Variants in SMYD3 observed in about 807,000 individuals in gnomAD.
SMYD3 encodes histone-lysine N-methyltransferase SMYD3.
Under a neutral mutation model 57.7 loss-of-function variants are expected in SMYD3, and 36 were observed. The observed-to-expected ratio is 0.62, with a 90% CI of 0.48 to 0.82. SMYD3 has a LOEUF of 0.82. Among genes scored for constraint, SMYD3 ranks in the 40% least tolerant of loss-of-function variants. The probability of loss-of-function intolerance (pLI) is 0.00; values close to 1 mark genes in which losing one functional copy is unlikely to be tolerated. For missense variants in SMYD3, 515 were observed against 538.8 expected, an observed-to-expected ratio of 0.96 and a Z score of 0.44; for synonymous variants, 211 against 195.0, an observed-to-expected ratio of 1.08 and a Z score of -0.68.
chr1:245,997,831 T>G (rs896404815), intron 5 of SMYD3, among the ~76,000 whole-genome samples: 3 of 152,168 alleles, frequency 2.0e-5, no homozygotes, highest in Admixed American at 1.3e-4. Flanking sequence ...TCAGAACTGC[T>G]GGGAGAAAGA....
intron 2 of SMYD3, among the ~76,000 whole-genome samples, chr1:246,350,689 T>G (rs2065808480): frequency 6.6e-6 from 1 of 152,098 alleles, no homozygotes; most frequent in African/African-American, 2.4e-5. Flanking sequence ...GAGACGCCTG[T>G]GCAACAGCCA....
chr1:246,190,922 T>C (rs1480798470), intron 5 of SMYD3, among the ~76,000 whole-genome samples: 1 of 152,152 alleles, frequency 6.6e-6, no homozygotes, highest in Non-Finnish European at 1.5e-5. Context: ...CAGAAAAGCA[T>C]ACAGCACTTC....
At chr1:246,301,534 G>A (rs1025462012) in intron 5 of SMYD3, among the ~76,000 whole-genome samples, 1 of 152,158 alleles carries the variant, frequency 6.6e-6, no homozygotes, top group Non-Finnish European at 1.5e-5. Flanking sequence ...CAAGTCTGAA[G>A]TAATGAGAAT....
intron 5 of SMYD3, among the ~76,000 whole-genome samples, chr1:246,243,041 C>G (rs1250740044): frequency 1.3e-5 from 2 of 152,158 alleles, no homozygotes; most frequent in Admixed American, 6.5e-5. Flanking sequence ...TTAGACAGAT[C>G]AATGAGACAG....
intron 10 of SMYD3, among the ~76,000 whole-genome samples, chr1:245,794,236 G>T (rs1475363789): frequency 6.6e-6 from 1 of 152,070 alleles, no homozygotes; most frequent in South Asian, 2.1e-4. Context: ...TTCTCTCTGG[G>T]TTTACTTTTC....
At chr1:246,444,286 T>C (rs1007339253) in intron 1 of SMYD3, among the ~76,000 whole-genome samples, 5 of 152,072 alleles carry the variant, frequency 3.3e-5, no homozygotes, top group Non-Finnish European at 5.9e-5. Flanking sequence ...CCACCACGCC[T>C]GGCTAATTTT....
intron 5 of SMYD3, among the ~76,000 whole-genome samples, chr1:246,213,195 C>T (rs1330215683): frequency 1.3e-5 from 2 of 152,172 alleles, no homozygotes; most frequent in Non-Finnish European, 2.9e-5. Context: ...ATATCACATG[C>T]TCTTTTTGTC....
intron 1 of SMYD3, among the ~76,000 whole-genome samples, chr1:246,458,267 A>G (rs556098212): frequency 1.4e-4 from 21 of 152,248 alleles, no homozygotes; most frequent in African/African-American, 5.1e-4. Context: ...CAAAGTATTC[A>G]GGTCTTCCAT....
chr1:245,919,477 T>G (rs142702572), intron 7 of SMYD3, among the ~76,000 whole-genome samples: 1 of 152,336 alleles, frequency 6.6e-6, no homozygotes, highest in Non-Finnish European at 1.5e-5. Context: ...CACCTCTTCC[T>G]ATGGCGACTG....
At chr1:246,178,618 C>T (rs925060673) in intron 5 of SMYD3, among the ~76,000 whole-genome samples, 6 of 152,186 alleles carry the variant, frequency 3.9e-5, no homozygotes, top group African/African-American at 1.4e-4. Context: ...GGCACACCCA[C>T]TCCATCTCTC....
chr1:246,335,615 T>C, intron 2 of SMYD3, 141 bp from the exon 3 acceptor site: 1 of 667,444 alleles, frequency 1.5e-6, no homozygotes, highest in Non-Finnish European at 2.5e-6. Context: ...AGCAATATTC[T>C]AAATCTGAAA....
intron 10 of SMYD3, among the ~76,000 whole-genome samples, chr1:245,769,561 G>C (rs965230375): frequency 2.0e-5 from 3 of 152,206 alleles, no homozygotes; most frequent in Admixed American, 6.5e-5. Flanking sequence ...GATTAAAAGA[G>C]ATGTAAGAGA....
At chr1:246,479,568 C>T (rs1265881085) in intron 1 of SMYD3, among the ~76,000 whole-genome samples, 7 of 132,772 alleles carry the variant, frequency 5.3e-5, no homozygotes, top group African/African-American at 8.3e-5. Context: ...AGTGCAGTGG[C>T]GCAATCTCAG....
chr1:246,402,109 CCT>C (rs2066779888), intron 1 of SMYD3, among the ~76,000 whole-genome samples: 1 of 152,134 alleles, frequency 6.6e-6, no homozygotes, highest in African/African-American at 2.4e-5. Context: ...TTACCTTCAT[CCT>C]CTCTTTTTCC....
chr1:245,828,709 A>ATTTT (rs10626820), intron 10 of SMYD3, among the ~76,000 whole-genome samples: 8 of 147,092 alleles, frequency 5.4e-5, no homozygotes, highest in Admixed American at 2.7e-4. Flanking sequence ...AGTTTTTCTG[A>ATTTT]TTTTTTTTTT....
At chr1:246,075,759 G>A (rs1004666845) in intron 5 of SMYD3, among the ~76,000 whole-genome samples, 5 of 152,020 alleles carry the variant, frequency 3.3e-5, no homozygotes, top group Non-Finnish European at 7.4e-5. Context: ...ACTTAAAGAA[G>A]TAAAATGTTG....
intron 4 of SMYD3, among the ~76,000 whole-genome samples, chr1:246,328,736 A>T (rs1035429975): frequency 3.0e-4 from 45 of 150,706 alleles, no homozygotes; most frequent in African/African-American, 1.1e-3. Context: ...CATGTGCACA[A>T]TGTGCAGGTT....
chr1:245,939,563 G>A (rs2057136466), intron 5 of SMYD3, among the ~76,000 whole-genome samples: 1 of 152,068 alleles, frequency 6.6e-6, no homozygotes, highest in Non-Finnish European at 1.5e-5. Context: ...GGAGGCAGAG[G>A]TTGCAGTGAG....
intron 5 of SMYD3, among the ~76,000 whole-genome samples, chr1:246,164,296 G>A (rs2062168542): frequency 6.6e-6 from 1 of 152,134 alleles, no homozygotes; most frequent in Non-Finnish European, 1.5e-5. Context: ...GGTGGCGGGT[G>A]CCTGTCCCAG....
Sources: allele counts gnomAD v4.1 joint callset (sites outside exome capture counted in the v4.1 genomes callset), GRCh38; gene constraint gnomAD v4.1.1; transcripts MANE v1.5; gene names NCBI Gene and HGNC (gene_info 2026-07-23, HGNC 2026-07-21).